Variants in GMDS observed in about 807,000 individuals in gnomAD.
GMDS encodes the protein GDP-mannose 4,6-dehydratase.
Under a neutral mutation model 49.9 loss-of-function variants are expected in GMDS, and 20 were observed. The observed-to-expected ratio is 0.40, with a 90% CI of 0.28 to 0.58. GMDS has a LOEUF of 0.58. Among genes scored for constraint, GMDS ranks in the 20% least tolerant of loss-of-function variants. GMDS has a pLI of 0.42. For missense variants in GMDS, 362 were observed against 481.4 expected, an observed-to-expected ratio of 0.75 and a Z score of 2.32; for synonymous variants, 177 against 178.6, an observed-to-expected ratio of 0.99 and a Z score of 0.07.
At chr6:1,872,183 C>T (rs937107460) in intron 7 of GMDS, among the ~76,000 whole-genome samples, 14 of 152,302 alleles carry the variant, frequency 9.2e-5, no homozygotes, top group South Asian at 2.1e-4. Context: ...AAACACTGGC[C>T]GGAATGCAGT....
intron 7 of GMDS, among the ~76,000 whole-genome samples, chr6:1,895,708 G>A (rs1028298757): frequency 2.6e-5 from 4 of 152,222 alleles, no homozygotes; most frequent in Admixed American, 6.5e-5. Context: ...GAACATGCAC[G>A]CCAGTTATGC....
intron 10 of GMDS, 28 bp downstream of exon 10, chr6:1,624,422 TGCAGCCCGGGGCCCCGCAGCGG>T (rs755026278): frequency 6.5e-7 from 1 of 1,530,096 alleles, no homozygotes; most frequent in African/African-American, 1.4e-5. Flanking sequence ...GCTGCCGCCC[TGCAGCCCGGGGCCCCGCAGCGG>T]GCGGCGTGCG....
intron 7 of GMDS, among the ~76,000 whole-genome samples, chr6:1,825,297 T>A (rs1289755695): frequency 6.6e-6 from 1 of 152,164 alleles, no homozygotes; most frequent in Non-Finnish European, 1.5e-5. Context: ...AACATAAAAA[T>A]TCTACAAAGC....
intron 4 of GMDS, among the ~76,000 whole-genome samples, chr6:2,087,057 G>T (rs1773057526): frequency 6.6e-6 from 1 of 152,108 alleles, no homozygotes; most frequent in Non-Finnish European, 1.5e-5. Context: ...AATTTATGAG[G>T]ATATGAGTGC....
chr6:2,126,965 G>T (rs9501806), intron 1 of GMDS, among the ~76,000 whole-genome samples: 16,463 of 152,222 alleles, frequency 0.11, 2,979 homozygotes, highest in African/African-American at 0.37. Context: ...CTGACTTCTT[G>T]AGGTAAATAT....
intron 4 of GMDS, among the ~76,000 whole-genome samples, chr6:2,090,310 G>C (rs1773244743): frequency 6.6e-6 from 1 of 152,162 alleles, no homozygotes; most frequent in Admixed American, 6.5e-5. Context: ...ATGGTAAAGA[G>C]TAGGAAACAT....
intron 7 of GMDS, among the ~76,000 whole-genome samples, chr6:1,894,531 G>T (rs1760052614): frequency 6.6e-6 from 1 of 152,066 alleles, no homozygotes. Context: ...GCTGTTTAGT[G>T]CTTTCTTTAC....
intron 9 of GMDS, among the ~76,000 whole-genome samples, chr6:1,630,987 C>T (rs769259675): frequency 1.6e-4 from 24 of 152,038 alleles, no homozygotes; most frequent in African/African-American, 4.3e-4. Flanking sequence ...CCATGTTGGT[C>T]GGAAATTACT....
At chr6:2,175,069 G>A (rs1382547723) in intron 1 of GMDS, among the ~76,000 whole-genome samples, 1 of 152,230 alleles carries the variant, frequency 6.6e-6, no homozygotes, top group East Asian at 1.9e-4. Context: ...GGGGGTGAGG[G>A]TAGCTATTTG....
At chr6:1,831,242 A>C (rs1226449369) in intron 7 of GMDS, among the ~76,000 whole-genome samples, 1 of 152,214 alleles carries the variant, frequency 6.6e-6, no homozygotes, top group East Asian at 1.9e-4. Context: ...CCTGAAACTA[A>C]AGGAGAATTC....
chr6:1,891,527 A>G (rs1759866547), intron 7 of GMDS, among the ~76,000 whole-genome samples: 1 of 152,246 alleles, frequency 6.6e-6, no homozygotes, highest in Non-Finnish European at 1.5e-5. Context: ...AGTTATTTAA[A>G]AGAAACTGCC....
At chr6:1,686,119 A>G (rs1032686720) in intron 9 of GMDS, among the ~76,000 whole-genome samples, 3 of 152,182 alleles carry the variant, frequency 2.0e-5, no homozygotes, top group African/African-American at 7.2e-5. Flanking sequence ...TGTAGCCCTC[A>G]TTACAGACCC....
At chr6:1,845,880 T>C (rs3778538) in intron 7 of GMDS, among the ~76,000 whole-genome samples, 70,009 of 151,822 alleles carry the variant, frequency 0.46, 19,590 homozygotes, top group Non-Finnish European at 0.62. Context: ...TAACAGGCCA[T>C]GGACCAGTAC....
chr6:1,858,679 G>C (rs774668808), intron 7 of GMDS, among the ~76,000 whole-genome samples: 21 of 151,976 alleles, frequency 1.4e-4, no homozygotes, highest in Admixed American at 1.2e-3. Flanking sequence ...CTGACACCGA[G>C]AGCCAATGCT....
At chr6:2,159,305 C>T (rs1007572345) in intron 1 of GMDS, among the ~76,000 whole-genome samples, 1 of 152,020 alleles carries the variant, frequency 6.6e-6, no homozygotes, top group Non-Finnish European at 1.5e-5. Context: ...TGCTAATTGC[C>T]TACTCTTGGG....
At chr6:1,692,727 T>C (rs945681041) in intron 9 of GMDS, among the ~76,000 whole-genome samples, 2 of 152,260 alleles carry the variant, frequency 1.3e-5, no homozygotes, top group Admixed American at 1.3e-4. Context: ...ATAGATTTCA[T>C]CTTTAAGTTC....
At chr6:1,656,178 C>T (rs1763874046) in intron 9 of GMDS, among the ~76,000 whole-genome samples, 1 of 152,202 alleles carries the variant, frequency 6.6e-6, no homozygotes, top group Admixed American at 6.5e-5. Context: ...AAACTTAGCC[C>T]ATTTTTCAGA....
intron 7 of GMDS, among the ~76,000 whole-genome samples, chr6:1,825,847 C>A (rs1005334190): frequency 1.3e-5 from 2 of 152,112 alleles, no homozygotes; most frequent in African/African-American, 4.8e-5. Context: ...GAAACCCCAT[C>A]TCTACTAAAA....
intron 7 of GMDS, among the ~76,000 whole-genome samples, chr6:1,771,844 A>G (rs1300275284): frequency 6.6e-6 from 1 of 152,212 alleles, no homozygotes; most frequent in Non-Finnish European, 1.5e-5. Flanking sequence ...GCTCAGCTCT[A>G]TGAATACTGT....
Sources: allele counts gnomAD v4.1 joint callset (sites outside exome capture counted in the v4.1 genomes callset), GRCh38; gene constraint gnomAD v4.1.1; transcripts MANE v1.5; gene names NCBI Gene and HGNC (gene_info 2026-07-23, HGNC 2026-07-21).